Variants in GABRB2 observed in about 807,000 individuals in gnomAD.
GABRB2 encodes gamma-aminobutyric acid receptor subunit beta-2.
In GABRB2, 16 loss-of-function variants were observed where a neutral mutation model predicts 54.7. The observed-to-expected ratio is 0.29, with a 90% CI of 0.20 to 0.44. The LOEUF (loss-of-function observed/expected upper bound fraction) is 0.44, where lower values mean the gene tolerates loss of function less well. Ranked by LOEUF, GABRB2 falls within the 20% of genes least tolerant of loss-of-function variation. The probability of loss-of-function intolerance (pLI) is 1.00; values close to 1 mark genes in which losing one functional copy is unlikely to be tolerated. For synonymous variants in GABRB2, 244 were observed against 233.8 expected (o/e 1.04, Z -0.40); for missense variants, 355 against 644.0 (o/e 0.55, Z 4.86).
chr5:161,506,002 A>G (rs1759594782), intron 3 of GABRB2, among the ~76,000 whole-genome samples: 1 of 152,074 alleles, frequency 6.6e-6, no homozygotes, highest in Admixed American at 6.6e-5. Context: ...AAGATGTAAG[A>G]CTGTCTTTTT....
rs1232401552 is a variant in GABRB2 at position 161,403,413 on chromosome 5, G to T, written c.541+7562C>A. 3.9e-5 allele frequency among the ~76,000 whole-genome samples: 6 copies of T among 152,194 alleles called. No individual in the cohort carries two copies. The East Asian group carries it at 1.2e-3, about 29-fold the overall frequency. On this transcript the variant is annotated intron_variant, in intron 5 of 9. Coordinates refer to ENST00000393959, the MANE Select transcript of GABRB2 (RefSeq NM_001371727.1). ...ACCATCCTCTTCAGCAAAGAGGTTGGCTATGGAAACCATCATGTAAAAGTG... is the reference window on the plus strand; with the variant it reads ...ACCATCCTCTTCAGCAAAGAGGTTGTCTATGGAAACCATCATGTAAAAGTG...
At chr5:161,375,709 C>T (rs1755272601) in intron 5 of GABRB2, among the ~76,000 whole-genome samples, 1 of 152,158 alleles carries the variant, frequency 6.6e-6, no homozygotes, top group African/African-American at 2.4e-5. Flanking sequence ...TCCATTTTCT[C>T]ATACTTAAGA....
At chr5:161,351,497 G>A (rs1011634295) in intron 5 of GABRB2, among the ~76,000 whole-genome samples, 3 of 152,072 alleles carry the variant, frequency 2.0e-5, no homozygotes, top group African/African-American at 7.2e-5. Context: ...TTATGCATAT[G>A]CAGAAGAATG....
At chr5:161,505,057 T>TA (rs1263006255) in intron 3 of GABRB2, among the ~76,000 whole-genome samples, 3 of 151,736 alleles carry the variant, frequency 2.0e-5, no homozygotes, top group Non-Finnish European at 4.4e-5. Context: ...TAAACAACTT[T>TA]AAAAAATGAA....
chr5:161,379,629 C>T (rs1755408069), intron 5 of GABRB2, among the ~76,000 whole-genome samples: 1 of 152,114 alleles, frequency 6.6e-6, no homozygotes, highest in South Asian at 2.1e-4. Flanking sequence ...GGAGTCCACA[C>T]TCTGGCTATA....
At chr5:161,340,303 C>G (rs754877046) in intron 5 of GABRB2, among the ~76,000 whole-genome samples, 39 of 152,020 alleles carry the variant, frequency 2.6e-4, no homozygotes, top group Non-Finnish European at 4.9e-4. Context: ...AGTAGGCACT[C>G]AGTAAACATT....
chr5:161,483,564 C>T lies in GABRB2; in HGVS notation c.238-23720G>A, dbSNP rs1227731784. On this transcript the variant is annotated intron_variant, in intron 3 of 9. Coordinates refer to ENST00000393959, the MANE Select transcript of GABRB2 (RefSeq NM_001371727.1). ...AAGAGACAAATTAAAACAGAATTTACATGAATAACTCTCAGGTGCATGTTG... is the reference window on the plus strand; with the variant it reads ...AAGAGACAAATTAAAACAGAATTTATATGAATAACTCTCAGGTGCATGTTG... 2.0e-5 allele frequency among the ~76,000 whole-genome samples: 3 copies of T among 151,854 alleles called. 1 individual carries two copies. The highest frequency in any genetic ancestry group is 7.2e-5 in the African/African-American group (3 of 41,386).
At chr5:161,426,562 C>G (rs1757004045) in intron 4 of GABRB2, among the ~76,000 whole-genome samples, 3 of 151,934 alleles carry the variant, frequency 2.0e-5, no homozygotes, top group South Asian at 4.1e-4. Context: ...TTTAAAAACA[C>G]AAGATGAAAT....
chr5:161,477,846 C>T (rs2962410), intron 3 of GABRB2, among the ~76,000 whole-genome samples: 150,983 of 151,972 alleles, frequency 0.99, 75,010 homozygotes, highest in East Asian at 1. Flanking sequence ...GGGTATAGGG[C>T]TTCAGTTTTG....
chr5:161,357,011 C>T (rs1216030270), intron 5 of GABRB2, among the ~76,000 whole-genome samples: 1 of 152,152 alleles, frequency 6.6e-6, no homozygotes, highest in African/African-American at 2.4e-5. Context: ...AATATCTGCC[C>T]TCATTGAAAA....
chr5:161,454,562 T>C (rs1026882496), intron 4 of GABRB2, among the ~76,000 whole-genome samples: 5 of 152,236 alleles, frequency 3.3e-5, no homozygotes, highest in African/African-American at 1.2e-4. Context: ...TTCCCATCCA[T>C]GCTTCCATTT....
At chr5:161,546,749 A>G, upstream of GABRB2, 2 of 1,527,538 alleles carry the variant, frequency 1.3e-6, no homozygotes, top group Non-Finnish European at 1.8e-6. Context: ...ACGGCGTACC[A>G]AAACATCAAA....
chr5:161,518,761 G>T (rs1375646107), intron 3 of GABRB2, among the ~76,000 whole-genome samples: 5 of 152,150 alleles, frequency 3.3e-5, no homozygotes, highest in African/African-American at 1.2e-4. Context: ...TGGGTACATT[G>T]AGAGGTCACC....
chr5:161,410,949 C>G (rs750673181), intron 5 of GABRB2, 26 bp downstream of exon 5: 1 of 1,569,698 alleles, frequency 6.4e-7, no homozygotes, highest in Non-Finnish European at 8.8e-7. Flanking sequence ...AGAGTCCAGT[C>G]TAGCTGGATT....
intron 3 of GABRB2, among the ~76,000 whole-genome samples, chr5:161,525,576 T>G (rs911634563): frequency 6.6e-6 from 1 of 151,338 alleles, no homozygotes; most frequent in Admixed American, 6.6e-5. Flanking sequence ...ATTATATACT[T>G]TAATATGAAA....
chr5:161,536,141 G>A (rs914546784), intron 3 of GABRB2, among the ~76,000 whole-genome samples: 1 of 152,076 alleles, frequency 6.6e-6, no homozygotes, highest in Non-Finnish European at 1.5e-5. Context: ...ACAGTCTCAG[G>A]TACTCTGTTG....
chr5:161,293,124 A>G lies in GABRB2; in HGVS notation c.*957T>C, dbSNP rs1334408177. ...ATCTAAGACAATTCTCATTTCTCTAATTTTTGTATTTCATGGTTATCTTCG... is the reference window on the plus strand; with the variant it reads ...ATCTAAGACAATTCTCATTTCTCTAGTTTTTGTATTTCATGGTTATCTTCG... On this transcript the variant is annotated 3_prime_UTR_variant, in exon 10 of 10. Transcript: ENST00000393959. 6.6e-6 allele frequency: 1 copy of G among 152,134 alleles called. No individual in the cohort carries two copies. The allele number at this position is 152,134 out of a possible 1,614,324, so 9.4% of individuals were successfully genotyped here.
chr5:161,305,111 G>T (rs1380234393), intron 9 of GABRB2, among the ~76,000 whole-genome samples: 1 of 148,132 alleles, frequency 6.8e-6, no homozygotes, highest in Non-Finnish European at 1.5e-5. Context: ...CCGCTTCCCG[G>T]GTTCACGCCA....
At chr5:161,345,407 C>A (rs527653424) in intron 5 of GABRB2, among the ~76,000 whole-genome samples, 5 of 152,032 alleles carry the variant, frequency 3.3e-5, no homozygotes, top group Non-Finnish European at 7.4e-5. Flanking sequence ...AACTTCAATG[C>A]AAATTCTTCA....
Sources: gnomAD v4.1 joint callset for allele counts (sites outside exome capture counted in the v4.1 genomes callset) on GRCh38, gnomAD v4.1.1 for gene constraint, MANE v1.5 for transcripts, NCBI Gene and HGNC (gene_info 2026-07-23, HGNC 2026-07-21) for gene names.